TRPM7: variants seen among roughly 807,000 people sequenced by gnomAD.
TRPM7 encodes LTRPC ion channel family member 7.
A neutral mutation model predicts 229.7 loss-of-function variants in TRPM7; 134 were observed. That is an observed-to-expected ratio of 0.58 (90% CI 0.51 to 0.67). TRPM7 has a LOEUF of 0.67. Ranked by LOEUF, TRPM7 falls within the 30% of genes least tolerant of loss-of-function variation. TRPM7 has a pLI of 0.00. For missense variants in TRPM7, 1,901 were observed against 2,210.0 expected, an observed-to-expected ratio of 0.86 and a Z score of 2.80; for synonymous variants, 699 against 715.2, an observed-to-expected ratio of 0.98 and a Z score of 0.36.
At chr15:50,622,883 C>T (rs1283866070) in intron 12 of TRPM7, among the ~76,000 whole-genome samples, 1 of 151,132 alleles carries the variant, frequency 6.6e-6, no homozygotes, top group African/African-American at 2.4e-5. Context: ...GAGATTCTTT[C>T]TCAAAAAAAG....
chr15:50,679,588 T>C (rs992091532), intron 1 of TRPM7, among the ~76,000 whole-genome samples: 1 of 141,090 alleles, frequency 7.1e-6, no homozygotes, highest in African/African-American at 2.7e-5. Flanking sequence ...CAGGCTGGGG[T>C]GCAGTGGCGC....
chr15:50,660,685 G>T (rs1458650425), intron 2 of TRPM7, among the ~76,000 whole-genome samples: 1 of 152,072 alleles, frequency 6.6e-6, no homozygotes. Context: ...TACTTATCAC[G>T]TTTTCTTGAT....
At chr15:50,647,289 C>G (rs922066181) in intron 4 of TRPM7, among the ~76,000 whole-genome samples, 1 of 152,080 alleles carries the variant, frequency 6.6e-6, no homozygotes, top group Non-Finnish European at 1.5e-5. Context: ...TGCCACCACG[C>G]CCGACTAATT....
Position 50,561,571 on chromosome 15 carries a change from T to C in TRPM7, c.*107A>G. The C allele has an allele frequency of 7.4e-7, 1 of 1,348,832 alleles. No individual in the cohort carries two copies. The highest frequency in any genetic ancestry group is 1.3e-5 in the South Asian group (1 of 75,382). The allele number at this position is 1,348,832 out of a possible 1,614,324, so 83.6% of individuals were successfully genotyped here. On this transcript the variant is annotated 3_prime_UTR_variant, in exon 39 of 39. Coordinates refer to ENST00000646667, the MANE Select transcript of TRPM7 (RefSeq NM_017672.6). ...CTGTGCTGGAGTCAGCAAATTCAACTTGCATACACCTTTCTATATTACCAA... is the reference window on the plus strand; with the variant it reads ...CTGTGCTGGAGTCAGCAAATTCAACCTGCATACACCTTTCTATATTACCAA...
At position 50,686,518 on chromosome 15, in the gene TRPM7, G is replaced by C; in HGVS notation, c.3+13C>G. On this transcript the variant is annotated intron_variant, in intron 1 of 38. Transcript: ENST00000646667. ...AGAACCATTCCCCGCCCGGGCCTGCGTGGGTCCAGTACCATTCTCCTCACG... is the reference window on the plus strand; with the variant it reads ...AGAACCATTCCCCGCCCGGGCCTGCCTGGGTCCAGTACCATTCTCCTCACG... The C allele has an allele frequency of 6.2e-7, 1 of 1,613,812 alleles. No homozygotes were observed. Among genetic ancestry groups the C allele is most frequent in the Non-Finnish European group, 8.5e-7 (1 of 1,179,866 alleles).
intron 11 of TRPM7, among the ~76,000 whole-genome samples, chr15:50,626,704 T>C (rs2060569203): frequency 6.6e-6 from 1 of 152,086 alleles, no homozygotes; most frequent in South Asian, 2.1e-4. Context: ...CCACAGATGA[T>C]TAACATTAAT....
chr15:50,588,872 T>C (rs2059408945), intron 27 of TRPM7, among the ~76,000 whole-genome samples: 1 of 152,198 alleles, frequency 6.6e-6, no homozygotes, highest in Non-Finnish European at 1.5e-5. Flanking sequence ...ATTTATCAAA[T>C]TATCTTGCAC....
Position 50,612,688 on chromosome 15 carries a change from C to T in TRPM7, c.1912G>A (p.Ala638Thr). ...WACLMKRQVM[A>T]RFLWQHGEES... The stretch of plus-strand genomic sequence containing the variant: ...TCACCATGTTGCCATAAAAAACGGG[C>T]CATGACCTGCCTCTTCATAAGGCAA... The change falls in exon 16 of 39, where the codon GCC becomes ACC. Residue 638 changes from alanine to threonine, a missense_variant. By Grantham distance (58) the Ala-to-Thr change is moderately conservative. Around this residue, in one of 8 missense-constraint regions of TRPM7, gnomAD observed 794 missense variants for 881.9 expected, o/e 0.90. Transcript: ENST00000646667. 6.2e-7 allele frequency: 1 copy of T among 1,614,106 alleles called. No individual in the cohort carries two copies. The highest frequency in any genetic ancestry group is 1.1e-5 in the South Asian group (1 of 91,076).
rs1040700326 is a variant in TRPM7 at position 50,655,304 on chromosome 15, G to C, written c.122+2477C>G. On this transcript the variant is annotated intron_variant, in intron 3 of 38. Coordinates refer to ENST00000646667, the MANE Select transcript of TRPM7 (RefSeq NM_017672.6). ...CAAAATGAGCCAGGCATGGTGGCATGCGTCTGTAATCCCAGCTACTCAGAT... is the reference window on the plus strand; with the variant it reads ...CAAAATGAGCCAGGCATGGTGGCATCCGTCTGTAATCCCAGCTACTCAGAT... 3.3e-5 allele frequency among the ~76,000 whole-genome samples: 5 copies of C among 151,504 alleles called. No individual in the cohort carries two copies. The Admixed American group carries it at 3.3e-4, about 10-fold the overall frequency.
intron 23 of TRPM7, among the ~76,000 whole-genome samples, chr15:50,594,921 G>C (rs1377244177): frequency 6.6e-6 from 1 of 152,110 alleles, no homozygotes; most frequent in African/African-American, 2.4e-5. Context: ...CAAAATCCTG[G>C]CTGGGCATGG....
Position 50,643,568 on chromosome 15 carries a change from T to G in TRPM7, c.322-15A>C, listed in dbSNP as rs770991422. 1 of 1,603,728 alleles carries G rather than the reference T, an allele frequency of 6.2e-7. No individual in the cohort carries two copies. The highest frequency in any genetic ancestry group is 8.5e-7 in the Non-Finnish European group (1 of 1,171,548). On this transcript the variant is annotated splice_polypyrimidine_tract_variant and intron_variant, in intron 4 of 38. Coordinates refer to ENST00000646667, the MANE Select transcript of TRPM7 (RefSeq NM_017672.6). ...AGCCTCACATACTAGAAAAAGATTTTAAAAGGAGAAAATAATTGAACATGT... is the reference window on the plus strand; with the variant it reads ...AGCCTCACATACTAGAAAAAGATTTGAAAAGGAGAAAATAATTGAACATGT...
intron 2 of TRPM7, among the ~76,000 whole-genome samples, chr15:50,661,029 G>A (rs1299667577): frequency 6.6e-6 from 1 of 150,706 alleles, no homozygotes; most frequent in Non-Finnish European, 1.5e-5. Context: ...AGGCTGGAGT[G>A]CAGCAGTGTG....
chr15:50,609,452 T>C (rs1596181558), intron 19 of TRPM7, 129 bp downstream of exon 19: 1 of 907,224 alleles, frequency 1.1e-6, no homozygotes, highest in Non-Finnish European at 1.6e-6. Context: ...GGCAAATGTA[T>C]CACTCTTTTA....
chr15:50,607,414 CA>C, intron 19 of TRPM7, 86 bp from the exon 20 acceptor site: 1 of 1,201,688 alleles, frequency 8.3e-7, no homozygotes, highest in Non-Finnish European at 1.1e-6. Context: ...CACACAAAAA[CA>C]GACATTAAAT....
intron 36 of TRPM7, among the ~76,000 whole-genome samples, chr15:50,573,082 GTCTTTTT>G (rs2141491979): frequency 6.6e-6 from 1 of 152,210 alleles, no homozygotes. Flanking sequence ...ATATATGAAA[GTCTTTTT>G]TCTTTTATAT....
At chr15:50,638,257 G>A (rs1175739474) in intron 6 of TRPM7, among the ~76,000 whole-genome samples, 1 of 149,758 alleles carries the variant, frequency 6.7e-6, no homozygotes, top group African/African-American at 2.5e-5. Flanking sequence ...TACTCGGGAG[G>A]CTGAGGCAGG....
chr15:50,643,347 T>C lies in TRPM7; in HGVS notation c.528A>G (p.Val176=), dbSNP rs985976817. The C allele has an allele frequency of 2.5e-6, 4 of 1,613,616 alleles. No individual in the cohort carries two copies. The highest frequency in any genetic ancestry group is 2.5e-6 in the Non-Finnish European group (3 of 1,179,572). ...GTATAATCATCACATTACCTGTGTT[T>C]ACTCCTCCAGTTAAAATCCAGGCTC... The part of the protein sequence containing the change: ...TTGAWILTGG[V]NTGVAKHVGD... Residue 176 remains valine, a synonymous_variant, in exon 5 of 39, where the codon GTA becomes GTG. Coordinates refer to ENST00000646667, the MANE Select transcript of TRPM7 (RefSeq NM_017672.6).
At chr15:50,594,820 T>A (rs894330379) in intron 23 of TRPM7, among the ~76,000 whole-genome samples, 1 of 152,034 alleles carries the variant, frequency 6.6e-6, no homozygotes, top group African/African-American at 2.4e-5. Context: ...AAAAATAATT[T>A]AAAAAAATTT....
At chr15:50,637,145 G>T (rs1179986598) in intron 7 of TRPM7, among the ~76,000 whole-genome samples, 1 of 139,264 alleles carries the variant, frequency 7.2e-6, no homozygotes, top group Non-Finnish European at 1.6e-5. Flanking sequence ...AAAAAAAAAA[G>T]AATATTTATG....
Sources: allele counts gnomAD v4.1 joint callset (sites outside exome capture counted in the v4.1 genomes callset), GRCh38; gene constraint gnomAD v4.1.1; regional missense constraint gnomAD v4.1.1; transcripts MANE v1.5; gene names NCBI Gene and HGNC (gene_info 2026-07-23, HGNC 2026-07-21).